Variants in ENTREP2 observed in about 807,000 individuals in gnomAD.
The protein encoded by ENTREP2 is protein ENTREP2.
At chr15:29,259,811 C>CATAT in the ENTREP2 span, among the ~76,000 whole-genome samples, 15 of 149,432 alleles carry the variant, frequency 1.0e-4, no homozygotes, top group African/African-American at 3.8e-4. Flanking sequence ...ATCCCATTTA[C>CATAT]ATATATATAT....
At chr15:29,213,467 G>A in the ENTREP2 span, among the ~76,000 whole-genome samples, 3 of 152,036 alleles carry the variant, frequency 2.0e-5, no homozygotes, top group Non-Finnish European at 2.9e-5. Flanking sequence ...TTATTTCTTT[G>A]AGCAGTGGTT....
chr15:29,275,310 C>A, the ENTREP2 span, among the ~76,000 whole-genome samples: 1 of 152,126 alleles, frequency 6.6e-6, no homozygotes, highest in African/African-American at 2.4e-5. Flanking sequence ...TAAAAATCAA[C>A]CCTGATTTTC....
chr15:29,633,899 C>T, the ENTREP2 span, among the ~76,000 whole-genome samples: 1 of 152,054 alleles, frequency 6.6e-6, no homozygotes, highest in Non-Finnish European at 1.5e-5. Context: ...GCGAAGGTTG[C>T]AGTGAGTCGA....
chr15:29,278,463 A>C, the ENTREP2 span, among the ~76,000 whole-genome samples: 1 of 152,134 alleles, frequency 6.6e-6, no homozygotes, highest in Admixed American at 6.5e-5. Flanking sequence ...TCTTTGGGAG[A>C]GGCAGGCTAA....
the ENTREP2 span, among the ~76,000 whole-genome samples, chr15:29,350,593 AAAAC>A: frequency 1.3e-5 from 2 of 152,210 alleles, no homozygotes; most frequent in Non-Finnish European, 2.9e-5. Context: ...GAAAACTGCA[AAAAC>A]AAACAAAAAC....
chr15:29,299,374 G>A, the ENTREP2 span, among the ~76,000 whole-genome samples: 2 of 152,198 alleles, frequency 1.3e-5, no homozygotes, highest in African/African-American at 4.8e-5. Context: ...AGACGCAGTG[G>A]TGGAGATGAA....
At chr15:29,602,082 G>C in the ENTREP2 span, among the ~76,000 whole-genome samples, 1 of 152,166 alleles carries the variant, frequency 6.6e-6, no homozygotes, top group Non-Finnish European at 1.5e-5. Flanking sequence ...ATGAAACCAT[G>C]GTAAATGAGT....
chr15:29,208,610 C>T, the ENTREP2 span, among the ~76,000 whole-genome samples: 3 of 152,166 alleles, frequency 2.0e-5, no homozygotes, highest in African/African-American at 4.8e-5. Flanking sequence ...AAAATTAATA[C>T]GAACAACTTC....
the ENTREP2 span, among the ~76,000 whole-genome samples, chr15:29,657,094 C>G: frequency 6.6e-6 from 1 of 152,130 alleles, no homozygotes; most frequent in Non-Finnish European, 1.5e-5. Flanking sequence ...GTTCCTCACG[C>G]CAGAGGGCAG....
At chr15:29,306,581 C>T in the ENTREP2 span, among the ~76,000 whole-genome samples, 1 of 149,862 alleles carries the variant, frequency 6.7e-6, no homozygotes, top group Non-Finnish European at 1.5e-5. Context: ...TAATGCTATG[C>T]CAGGTTTTTA....
the ENTREP2 span, among the ~76,000 whole-genome samples, chr15:29,223,532 G>A: frequency 6.6e-6 from 1 of 152,230 alleles, no homozygotes; most frequent in Non-Finnish European, 1.5e-5. Flanking sequence ...GGTTGACTCA[G>A]CTACGTGTAA....
the ENTREP2 span, among the ~76,000 whole-genome samples, chr15:29,668,443 T>C: frequency 2.6e-5 from 4 of 152,156 alleles, no homozygotes; most frequent in East Asian, 5.8e-4. Flanking sequence ...CATGTCCACA[T>C]AGACACTTGT....
At chr15:29,151,893 G>C in the ENTREP2 span, 1 of 1,392,730 alleles carries the variant, frequency 7.2e-7, no homozygotes, top group Non-Finnish European at 9.9e-7. Context: ...ATAGATAGCA[G>C]AATCCTTAGC....
the ENTREP2 span, among the ~76,000 whole-genome samples, chr15:29,431,857 C>A: frequency 1.3e-5 from 2 of 152,178 alleles, no homozygotes; most frequent in Admixed American, 1.3e-4. Context: ...GGTCTGAGAA[C>A]CCTCATTTTC....
At chr15:29,174,551 T>C in the ENTREP2 span, among the ~76,000 whole-genome samples, 1 of 152,108 alleles carries the variant, frequency 6.6e-6, no homozygotes. Flanking sequence ...TAGCCGGGCA[T>C]GGTGGCGGGC....
chr15:29,234,999 G>C, the ENTREP2 span: 1 of 1,365,718 alleles, frequency 7.3e-7, no homozygotes, highest in East Asian at 2.3e-5. Flanking sequence ...TGCACATTTA[G>C]GGTTGCTTGA....
At chr15:29,536,540 G>A in the ENTREP2 span, among the ~76,000 whole-genome samples, 1,744 of 150,708 alleles carry the variant, frequency 0.012, 29 homozygotes, top group African/African-American at 0.041. Flanking sequence ...GGAGGCAGAG[G>A]TTGCAGTGAG....
chr15:29,522,119 A>C, the ENTREP2 span, among the ~76,000 whole-genome samples: 5 of 152,242 alleles, frequency 3.3e-5, no homozygotes, highest in African/African-American at 1.2e-4. Context: ...CATACCACAT[A>C]AAGGAGTTAG....
At chr15:29,670,407 T>C in the ENTREP2 span, among the ~76,000 whole-genome samples, 1 of 151,908 alleles carries the variant, frequency 6.6e-6, no homozygotes, top group African/African-American at 2.4e-5. Flanking sequence ...CCCTGAAGGG[T>C]GGGGAAGCTT....
Sources: gnomAD v4.1 joint callset for allele counts (sites outside exome capture counted in the v4.1 genomes callset) on GRCh38, gnomAD v4.1.1 for gene constraint, MANE v1.5 for transcripts, NCBI Gene and HGNC (gene_info 2026-07-23, HGNC 2026-07-21) for gene names.